Variants in SLC25A22 observed in about 807,000 individuals in gnomAD.
SLC25A22 encodes the protein mitochondrial glutamate carrier 1.
Under a neutral mutation model 33.7 loss-of-function variants are expected in SLC25A22, and 23 were observed. That is an observed-to-expected ratio of 0.68 (90% CI 0.49 to 0.97). The LOEUF (loss-of-function observed/expected upper bound fraction) is 0.97, where lower values mean the gene tolerates loss of function less well. Ranked by LOEUF, SLC25A22 falls within the 50% of genes least tolerant of loss-of-function variation. The probability of loss-of-function intolerance (pLI) is 0.00; values close to 1 mark genes in which losing one functional copy is unlikely to be tolerated. For synonymous variants in SLC25A22, 245 were observed against 203.8 expected, an observed-to-expected ratio of 1.20 and a Z score of -1.72; for missense variants, 390 against 451.1, an observed-to-expected ratio of 0.86 and a Z score of 1.23.
intron 4 of SLC25A22, 29 bp downstream of exon 4, chr11:794,429 A>G: frequency 4.3e-6 from 7 of 1,609,200 alleles, no homozygotes; most frequent in Non-Finnish European, 5.9e-6. Flanking sequence ...AGGCCTGCCC[A>G]TATCGAGCCC....
At chr11:792,280 C>A in intron 8 of SLC25A22, 24 bp downstream of exon 8, 2 of 1,613,092 alleles carry the variant, frequency 1.2e-6, no homozygotes, top group Non-Finnish European at 1.7e-6. Flanking sequence ...CCATCCCCAG[C>A]CGGGCGCCAT....
Position 792,068 on chromosome 11 carries a change from C to G in SLC25A22, c.819G>C (p.Arg273Ser). ...DTYSGILDCA[R>S]KILRHEGPSA... ...AGGGGCCCTCGTGCCGCAGGATCTT[C>G]CTGTGGAGGAAGGACGAAAGGGTCA... Residue 273 changes from arginine to serine, a missense_variant and splice_region_variant, in exon 10 of 10, where the codon AGG (arginine) becomes AGC (serine). Arg to Ser is a moderately radical substitution (Grantham distance 110). Transcript: ENST00000628067. 1 of 1,598,832 alleles carries G rather than the reference C, an allele frequency of 6.3e-7. No individual in the cohort carries two copies. Among genetic ancestry groups the G allele is most frequent in the South Asian group, 1.1e-5 (1 of 89,528 alleles).
In SLC25A22 at chr11:792,828, TCCCGCACCTCTG is replaced by T. The variant is rs766776187; in HGVS notation, c.412+30_412+41del. 3.3e-6 allele frequency: 5 copies of T among 1,526,898 alleles called. No individual in the cohort carries two copies. The South Asian group carries it at 5.7e-5, about 18-fold the overall frequency. The allele number at this position is 1,526,898 out of a possible 1,614,324, so 94.6% of individuals were successfully genotyped here. The stretch of plus-strand genomic sequence containing the variant: ...CCACCCTCCCCTCGCCCTCACCTCT[TCCCGCACCTCTG>T]CCCTCTCCTCCCCCTCCCCCCGCCC... On this transcript the variant is annotated intron_variant, in intron 6 of 9. Coordinates refer to ENST00000628067, the MANE Select transcript of SLC25A22 (RefSeq NM_001191061.2).
chr11:793,350 C>T (rs1240509988), intron 5 of SLC25A22, 179 bp downstream of exon 5: 1 of 663,542 alleles, frequency 1.5e-6, no homozygotes, highest in Non-Finnish European at 2.7e-6. Flanking sequence ...ACTGATTTGA[C>T]ATCTGCTTTG....
At chr11:794,388 C>G (rs745929429) in intron 4 of SLC25A22, 70 bp downstream of exon 4, 1 of 1,564,062 alleles carries the variant, frequency 6.4e-7, no homozygotes, top group Non-Finnish European at 8.7e-7. Context: ...CCTCCCCCAC[C>G]GCTCCCTGCC....
chr11:794,542 G>C (rs1472472151), intron 3 of SLC25A22, 29 bp from the exon 4 acceptor site: 1 of 1,607,920 alleles, frequency 6.2e-7, no homozygotes, highest in South Asian at 1.1e-5. Context: ...GGTGAGCCAG[G>C]GCCAGCTGGG....
In SLC25A22 at chr11:791,718, T is replaced by C. The variant is rs1864525070; in HGVS notation, c.*197A>G. 1.5e-6 allele frequency: 1 copy of C among 662,382 alleles called. No homozygotes were observed. Among genetic ancestry groups the C allele is most frequent in the Non-Finnish European group, 2.5e-6 (1 of 394,692 alleles). 41.0% of individuals were successfully genotyped at this position (662,382 alleles called of 1,614,324 possible). ...TGCATTTTCTACATAAATGAGACAT[T>C]GATCCCAACGGTGCAGGCAGCACCC... On this transcript the variant is annotated 3_prime_UTR_variant, in exon 10 of 10. Coordinates refer to ENST00000628067, the MANE Select transcript of SLC25A22 (RefSeq NM_001191061.2).
rs1167348983 is a variant in SLC25A22, at chr11:792,554, T to G, written c.586A>C (p.Arg196=). 6.2e-7 allele frequency: 1 copy of G among 1,612,018 alleles called. No individual in the cohort carries two copies. Among genetic ancestry groups the G allele is most frequent in the Non-Finnish European group, 8.5e-7 (1 of 1,179,670 alleles). ...LYKGLGATLL[R]DVPFSVVYFP... ...CCCCACCTGCCCTGTGCCTCCTACC[T>G]GAGCAGCGTGGCCCCGAGTCCCTTG... The change falls in exon 7 of 10, where the codon AGG becomes CGG. Residue 196 remains arginine, a splice_region_variant and synonymous_variant. Transcript: ENST00000628067.
intron 1 of SLC25A22, 42 bp from the exon 2 acceptor site, chr11:795,211 C>T (rs923630914): frequency 1.4e-6 from 1 of 694,334 alleles, no homozygotes; most frequent in African/African-American, 1.8e-5. Context: ...GGTGGGGCCA[C>T]CCGAAGAGTA....
Position 791,647 on chromosome 11 carries a change from A to C in SLC25A22, c.*268T>G. On this transcript the variant is annotated 3_prime_UTR_variant, in exon 10 of 10. Coordinates refer to ENST00000628067, the MANE Select transcript of SLC25A22 (RefSeq NM_001191061.2). ...CTCTGTCCCTGGGGGTGTTCAGGCCAGGGCAGGATTGGGGCAGGGGCTAGC... is the reference window on the plus strand; with the variant it reads ...CTCTGTCCCTGGGGGTGTTCAGGCCCGGGCAGGATTGGGGCAGGGGCTAGC... The C allele has an allele frequency of 1.9e-6, 1 of 527,924 alleles. No individual in the cohort carries two copies. 32.7% of individuals were successfully genotyped at this position (527,924 alleles called of 1,614,324 possible). A position where few individuals can be genotyped will look rare whatever the true frequency, so the allele number is the denominator to read the frequency against.
Position 794,491 on chromosome 11 carries a change from C to T in SLC25A22, c.169G>A (p.Val57Ile), listed in dbSNP as rs150242281. The change falls in exon 4 of 10, where the codon GTC becomes ATC. Residue 57 changes from valine to isoleucine, a missense_variant. Transcript: ENST00000628067. ...ATGCCGAAGTAGCCCTCGGAGCGGA[C>T]GGTCTTGATGAGGCAGTCGGACCTG... The part of the protein sequence containing the change: ...TSMSDCLIKT[V>I]RSEGYFGMYR... 740 of 1,612,962 alleles carry T rather than the reference C, an allele frequency of 4.6e-4. 2 individuals are homozygous for T. The African/African-American group carries it at 7.8e-3, about 17-fold the overall frequency.
chr11:794,651 C>A, intron 3 of SLC25A22, 125 bp downstream of exon 3: 1 of 1,525,672 alleles, frequency 6.6e-7, no homozygotes, highest in Non-Finnish European at 8.8e-7. Context: ...CGTGGGATCT[C>A]CCCTAGGCCC....
At position 792,126 on chromosome 11, in the gene SLC25A22, C is replaced by T. The variant is rs749684715; in HGVS notation, c.818+16G>A. Reference sequence around the variant, plus strand: ...ACGCAGGCCCCCAGGCCCCACCCGCCGTGGGACCTCCCCACCTGGCACAGT... The same window carrying T: ...ACGCAGGCCCCCAGGCCCCACCCGCTGTGGGACCTCCCCACCTGGCACAGT... On this transcript the variant is annotated intron_variant, in intron 9 of 9. Coordinates refer to ENST00000628067, the MANE Select transcript of SLC25A22 (RefSeq NM_001191061.2). 6.8e-6 allele frequency: 11 copies of T among 1,610,922 alleles called. No individual in the cohort carries two copies. Among genetic ancestry groups the T allele is most frequent in the East Asian group, 2.2e-5 (1 of 44,784 alleles).
In SLC25A22 at chr11:791,513, G is replaced by T; in HGVS notation, c.*402C>A. 2 of 278,676 alleles carry T rather than the reference G, an allele frequency of 7.2e-6. No individual in the cohort carries two copies. The highest frequency in any genetic ancestry group is 8.3e-5 in the South Asian group (2 of 24,118). The allele number at this position is 278,676 out of a possible 1,614,324, so 17.3% of individuals were successfully genotyped here. On this transcript the variant is annotated 3_prime_UTR_variant, in exon 10 of 10. Coordinates refer to ENST00000628067, the MANE Select transcript of SLC25A22 (RefSeq NM_001191061.2). ...CAGCAGATTCAATAAATAGGTTTGT[G>T]TGGGGTGCCTGTGTGGGCCAGGATG...
chr11:798,241 C>T lies in SLC25A22; in HGVS notation c.-188G>A. On this transcript the variant is annotated 5_prime_UTR_variant, in exon 1 of 10. Transcript: ENST00000628067. ...CCACGCTCGCCGCCGCCGCCGCGCTCGCCTGCCCGCCCCGCGCTCGGCCAG... is the reference window on the plus strand; with the variant it reads ...CCACGCTCGCCGCCGCCGCCGCGCTTGCCTGCCCGCCCCGCGCTCGGCCAG... The T allele has an allele frequency of 2.5e-6, 1 of 392,390 alleles. No homozygotes were observed. Among genetic ancestry groups the T allele is most frequent in the East Asian group, 3.6e-5 (1 of 27,662 alleles). 24.3% of individuals were successfully genotyped at this position (392,390 alleles called of 1,614,324 possible).
rs1054618012 is a variant in SLC25A22 at position 794,908 on chromosome 11, G to A, written c.21-7C>T. 10 of 1,564,502 alleles carry A rather than the reference G, an allele frequency of 6.4e-6. No homozygotes were observed. Among genetic ancestry groups the A allele is most frequent in the African/African-American group, 1.4e-5 (1 of 73,960 alleles). On this transcript the variant is annotated splice_region_variant and splice_polypyrimidine_tract_variant and intron_variant, in intron 2 of 9. Transcript: ENST00000628067. ...GATGAGCTTGGCTGGCAGGCTGTGT[G>A]GACAGGGGTGTCAGGACCGGCTTCC...
At position 793,551 on chromosome 11, in the gene SLC25A22, G is replaced by A. The variant is rs936639741; in HGVS notation, c.271C>T (p.Arg91Ter). ...CACCCGTCCTTAGAGAGCTGATGTC[G>A]GAAGAAGTCGTTGGCTGCCAGCTTG... ...AIKLAANDFF[R>*]HQLSKDGQKL... Residue 91 changes from arginine to a stop codon, truncating the protein, a stop_gained, in exon 5 of 10, where the codon CGA becomes TGA. Transcript: ENST00000628067. LOFTEE classifies it high-confidence loss of function. 8 of 1,613,502 alleles carry A rather than the reference G, an allele frequency of 5.0e-6. No homozygotes were observed. The highest frequency in any genetic ancestry group is 6.8e-6 in the Non-Finnish European group (8 of 1,179,982).
chr11:797,930 C>T (rs574515024), intron 1 of SLC25A22: 2 of 398,358 alleles, frequency 5.0e-6, no homozygotes, highest in Non-Finnish European at 4.4e-6. Flanking sequence ...CGTGTGCGTC[C>T]CACACGGGTC....
rs761180722 is a variant in SLC25A22 at position 792,621 on chromosome 11, C to T, written c.519G>A (p.Leu173=). 1 of 1,603,616 alleles carries T rather than the reference C, an allele frequency of 6.2e-7. No individual in the cohort carries two copies. Among genetic ancestry groups the T allele is most frequent in the Non-Finnish European group, 8.5e-7 (1 of 1,176,226 alleles). Residue 173 remains leucine, a synonymous_variant, in exon 7 of 10, where the codon CTG becomes CTA. Transcript: ENST00000628067. ...PAAPRPTATQ[L]TRDLLRSRGI... ...CACGGCTCCGCAGCAGGTCGCGGGT[C>T]AGCTGGGTGGCCGTGGGCCGAGGGG... is the stretch of plus-strand genomic sequence containing the variant.
Sources: allele counts gnomAD v4.1 joint callset, GRCh38; gene constraint gnomAD v4.1.1; transcripts MANE v1.5; gene names NCBI Gene and HGNC (gene_info 2026-07-23, HGNC 2026-07-21).